The following UNC5B variants were observed in gnomAD, a reference collection of about 807,000 sequenced individuals.
The protein encoded by UNC5B is unc-5 netrin receptor B.
In UNC5B, 56 loss-of-function variants were observed where a neutral mutation model predicts 103.7. That is an observed-to-expected ratio of 0.54 (90% CI 0.44 to 0.67). The LOEUF is 0.67. UNC5B is among the 30% of genes least tolerant of loss of function. The pLI, the probability that UNC5B is intolerant of heterozygous loss-of-function variation, is 0.00. For missense variants in UNC5B, 1,194 were observed against 1,284.5 expected, an observed-to-expected ratio of 0.93 and a Z score of 1.08; for synonymous variants, 577 against 542.0, an observed-to-expected ratio of 1.06 and a Z score of -0.90.
At chr10:71,262,976 A>G (rs115531462) in intron 1 of UNC5B, among the ~76,000 whole-genome samples, 266 of 152,350 alleles carry the variant, frequency 1.7e-3, no homozygotes, top group African/African-American at 6.0e-3. Flanking sequence ...TGCCAGACGA[A>G]GAGCCAGGGC....
chr10:71,226,081 T>C (rs1178947474), intron 1 of UNC5B, among the ~76,000 whole-genome samples: 1 of 152,202 alleles, frequency 6.6e-6, no homozygotes, highest in African/African-American at 2.4e-5. Flanking sequence ...ATTTATTTTA[T>C]TTTTTATTTT....
chr10:71,239,686 C>T (rs1003155490), intron 1 of UNC5B, among the ~76,000 whole-genome samples: 1 of 152,122 alleles, frequency 6.6e-6, no homozygotes, highest in African/African-American at 2.4e-5. Context: ...AGGGCATCCA[C>T]GGGGGCGGGC....
chr10:71,283,833 C>G (rs1298063179), intron 2 of UNC5B, among the ~76,000 whole-genome samples: 3 of 152,124 alleles, frequency 2.0e-5, no homozygotes, highest in Admixed American at 6.5e-5. Context: ...ATTGAGAGAT[C>G]AGGGGCTCCC....
chr10:71,281,050 T>C (rs1844913261), intron 2 of UNC5B, among the ~76,000 whole-genome samples: 1 of 152,158 alleles, frequency 6.6e-6, no homozygotes, highest in South Asian at 2.1e-4. Flanking sequence ...TCTTTCTTTT[T>C]CTCTTCATCC....
Position 71,299,798 on chromosome 10 carries a change from C to A in UNC5B, c.*521C>A, listed in dbSNP as rs921220132. ...AAAAAGGCAAAGGAAAGAAAGAAAG[C>A]TTCAGACCGCTAGTAAGGCTCAAAG... On this transcript the variant is annotated 3_prime_UTR_variant, in exon 17 of 17. Transcript: ENST00000335350. The A allele has an allele frequency of 1.3e-5, 2 of 152,366 alleles. No homozygotes were observed. The highest frequency in any genetic ancestry group is 4.8e-5 in the African/African-American group (2 of 41,424). The allele number at this position is 152,366 out of a possible 1,614,324, so 9.4% of individuals were successfully genotyped here. A position where few individuals can be genotyped will look rare whatever the true frequency, so the allele number is the denominator to read the frequency against.
At chr10:71,283,265 G>T (rs914831773) in intron 2 of UNC5B, among the ~76,000 whole-genome samples, 6 of 152,198 alleles carry the variant, frequency 3.9e-5, no homozygotes, top group African/African-American at 1.4e-4. Flanking sequence ...TTCTTCAAAG[G>T]TAACAGAAGA....
intron 1 of UNC5B, among the ~76,000 whole-genome samples, chr10:71,278,284 G>C (rs1477148059): frequency 6.6e-6 from 1 of 152,210 alleles, no homozygotes; most frequent in Non-Finnish European, 1.5e-5. Flanking sequence ...GCACCGCCTA[G>C]GTGTTCATGC....
intron 1 of UNC5B, among the ~76,000 whole-genome samples, chr10:71,258,573 G>A (rs1000667368): frequency 6.6e-6 from 1 of 152,214 alleles, no homozygotes; most frequent in African/African-American, 2.4e-5. Flanking sequence ...GCACCTGAGA[G>A]CAGCAGGACA....
chr10:71,270,180 T>C (rs1412485295), intron 1 of UNC5B, among the ~76,000 whole-genome samples: 1 of 152,048 alleles, frequency 6.6e-6, no homozygotes. Context: ...TGAAACCCCG[T>C]GTCTACTAAA....
intron 4 of UNC5B, 109 bp from the exon 5 acceptor site, chr10:71,286,580 C>T (rs931655876): frequency 1.4e-6 from 2 of 1,395,110 alleles, no homozygotes; most frequent in African/African-American, 2.8e-5. Context: ...CACCAAGGCC[C>T]TGCCTCACTG....
chr10:71,280,610 G>A (rs569068670), intron 2 of UNC5B, among the ~76,000 whole-genome samples: 1 of 152,166 alleles, frequency 6.6e-6, no homozygotes, highest in Non-Finnish European at 1.5e-5. Flanking sequence ...CTGAAACTGG[G>A]AAACTCGAGG....
chr10:71,239,305 C>G (rs1419751438), intron 1 of UNC5B, among the ~76,000 whole-genome samples: 1 of 152,122 alleles, frequency 6.6e-6, no homozygotes. Flanking sequence ...GGAACATTAA[C>G]AGAGGTGACG....
At chr10:71,257,325 G>GT (rs1336641661) in intron 1 of UNC5B, among the ~76,000 whole-genome samples, 4 of 152,252 alleles carry the variant, frequency 2.6e-5, no homozygotes, top group Admixed American at 1.3e-4. Flanking sequence ...TAAGTGGGAG[G>GT]TAAGTGAATA....
At chr10:71,224,254 G>GACACACACACACAC (rs140760302) in intron 1 of UNC5B, among the ~76,000 whole-genome samples, 1 of 108,564 alleles carries the variant, frequency 9.2e-6, no homozygotes, top group Non-Finnish European at 1.9e-5. Flanking sequence ...CACACACACA[G>GACACACACACACAC]ACACACACAC....
rs751558618 is a variant in UNC5B at position 71,288,659 on chromosome 10, C to A, written c.993C>A (p.Pro331=). The change falls in exon 7 of 17, where the codon CCC becomes CCA. Residue 331 remains proline, a synonymous_variant. Coordinates refer to ENST00000335350, the MANE Select transcript of UNC5B (RefSeq NM_170744.5). ...GCCGCGAGTGCATGGCGCCCCCACCCCAGAACGGAGGCCGTGACTGCAGCG... is the reference window on the plus strand; with the variant it reads ...GCCGCGAGTGCATGGCGCCCCCACCACAGAACGGAGGCCGTGACTGCAGCG... ...WRSRECMAPP[P]QNGGRDCSGT... is the part of the protein sequence containing the mutation. The A allele has an allele frequency of 6.2e-7, 1 of 1,613,856 alleles. No homozygotes were observed. The highest frequency in any genetic ancestry group is 1.1e-5 in the South Asian group (1 of 91,076).
At chr10:71,275,563 G>T (rs58207966) in intron 1 of UNC5B, among the ~76,000 whole-genome samples, 14 of 152,266 alleles carry the variant, frequency 9.2e-5, no homozygotes, top group Middle Eastern at 6.8e-3. Flanking sequence ...AGCAGAGCTC[G>T]GAAGACAGAT....
At position 71,225,011 on chromosome 10, in the gene UNC5B, C is replaced by T. The variant is rs150870665; in HGVS notation, c.79+11947C>T. ...TTGGTAATCGTCTGAGGGTTATCAG[C>T]GAGGGGAGAGCCTGCCTTGTTATAC... On this transcript the variant is annotated intron_variant, in intron 1 of 16. Coordinates refer to ENST00000335350, the MANE Select transcript of UNC5B (RefSeq NM_170744.5). Among the ~76,000 whole-genome samples, 73 of 152,200 alleles carry T rather than the reference C, an allele frequency of 4.8e-4. No individual in the cohort carries two copies. In the East Asian group the frequency reaches 7.0e-3, roughly 14 times the overall value.
chr10:71,243,234 CAAAAGAAAAAT>C (rs993298999), intron 1 of UNC5B, among the ~76,000 whole-genome samples: 3 of 151,884 alleles, frequency 2.0e-5, no homozygotes, highest in African/African-American at 7.3e-5. Flanking sequence ...GACTCAGTCT[CAAAAGAAAAAT>C]AAAAGAAAAA....
chr10:71,256,316 C>T (rs1056553542), intron 1 of UNC5B, among the ~76,000 whole-genome samples: 8 of 152,210 alleles, frequency 5.3e-5, no homozygotes, highest in African/African-American at 1.9e-4. Flanking sequence ...AGCCTCCCTC[C>T]GCTGAGCCAG....
Sources: gnomAD v4.1 joint callset for allele counts (sites outside exome capture counted in the v4.1 genomes callset) on GRCh38, gnomAD v4.1.1 for gene constraint, MANE v1.5 for transcripts, NCBI Gene and HGNC (gene_info 2026-07-23, HGNC 2026-07-21) for gene names.